Variants in HCN1 observed in about 807,000 individuals in gnomAD.
The protein encoded by HCN1 is potassium/sodium hyperpolarization-activated cyclic nucleotide-gated channel 1.
In HCN1, 13 loss-of-function variants were observed where a neutral mutation model predicts 78.9. That is an observed-to-expected ratio of 0.16 (90% confidence interval 0.11 to 0.26). The LOEUF is 0.26. HCN1 is among the 10% of genes least tolerant of loss of function. The pLI is 1.00. For missense variants in HCN1, 810 were observed against 1,154.3 expected (o/e 0.70, Z 4.32); for synonymous variants, 552 against 455.5 (o/e 1.21, Z -2.70).
At chr5:45,594,475 G>C (rs906421143) in intron 2 of HCN1, among the ~76,000 whole-genome samples, 1 of 152,194 alleles carries the variant, frequency 6.6e-6, no homozygotes, top group Admixed American at 6.5e-5. Flanking sequence ...ACACTTTTCT[G>C]GATCCTAGCT....
At chr5:45,517,244 A>AT (rs1491436685) in intron 2 of HCN1, among the ~76,000 whole-genome samples, 1 of 151,940 alleles carries the variant, frequency 6.6e-6, no homozygotes, top group Admixed American at 6.6e-5. Context: ...CTCTAATCAG[A>AT]CACAATTTCT....
chr5:45,648,268 G>A (rs1477305771), intron 1 of HCN1, among the ~76,000 whole-genome samples: 1 of 151,976 alleles, frequency 6.6e-6, no homozygotes, highest in Non-Finnish European at 1.5e-5. Flanking sequence ...TTTTTTGAAG[G>A]AAAACTAATA....
chr5:45,345,024 G>A (rs377343802), intron 5 of HCN1, among the ~76,000 whole-genome samples: 8 of 152,250 alleles, frequency 5.3e-5, no homozygotes, highest in South Asian at 2.1e-4. Context: ...GGACATCCAC[G>A]CATTTCCATA....
chr5:45,400,156 T>C (rs1232813095), intron 3 of HCN1, among the ~76,000 whole-genome samples: 1 of 152,232 alleles, frequency 6.6e-6, no homozygotes, highest in East Asian at 1.9e-4. Flanking sequence ...TTAGATAAAA[T>C]GGAAATAATA....
chr5:45,392,716 G>T (rs1278627081), intron 4 of HCN1, among the ~76,000 whole-genome samples: 1 of 151,494 alleles, frequency 6.6e-6, no homozygotes. Flanking sequence ...AACTCGGGAG[G>T]TGCAGATTAC....
chr5:45,613,714 CA>C (rs1398394469), intron 2 of HCN1, among the ~76,000 whole-genome samples: 2 of 151,828 alleles, frequency 1.3e-5, no homozygotes, highest in Non-Finnish European at 2.9e-5. Flanking sequence ...GGAACCAACC[CA>C]AATGTCCAAC....
chr5:45,580,094 T>C (rs6872419), intron 2 of HCN1, among the ~76,000 whole-genome samples: 8,458 of 152,092 alleles, frequency 0.056, 307 homozygotes, highest in East Asian at 0.15. Context: ...AGGCTGAATA[T>C]ATTGCCCTGA....
At chr5:45,358,568 C>T (rs990256501) in intron 4 of HCN1, among the ~76,000 whole-genome samples, 10 of 152,142 alleles carry the variant, frequency 6.6e-5, no homozygotes, top group Admixed American at 6.6e-4. Context: ...ATGTCTTCCT[C>T]CAACTCTAAC....
chr5:45,524,461 A>G (rs995554922), intron 2 of HCN1, among the ~76,000 whole-genome samples: 1 of 152,092 alleles, frequency 6.6e-6, no homozygotes, highest in Admixed American at 6.6e-5. Flanking sequence ...CAGTATGGCC[A>G]TTTTCATGAT....
Position 45,256,416 on chromosome 5 carries a change from G to T in HCN1, c.*5505C>A, listed in dbSNP as rs1332912531. ...AGATGTTTCCCTTTGGGAGTAAATG[G>T]CCATTGATGTTACATTAGAAATATA... On this transcript the variant is annotated 3_prime_UTR_variant, in exon 8 of 8. Coordinates refer to ENST00000303230, the MANE Select transcript of HCN1 (RefSeq NM_021072.4). The T allele has an allele frequency of 6.6e-6, 1 of 151,326 alleles. No individual in the cohort carries two copies. The highest frequency in any genetic ancestry group is 1.5e-5 in the Non-Finnish European group (1 of 67,944). The allele number at this position is 151,326 out of a possible 1,614,324, so 9.4% of individuals were successfully genotyped here.
chr5:45,407,764 C>G (rs1393507592), intron 3 of HCN1, among the ~76,000 whole-genome samples: 3 of 152,082 alleles, frequency 2.0e-5, no homozygotes, highest in Admixed American at 1.3e-4. Flanking sequence ...CCTGCCTCAG[C>G]CTCCTAAAGT....
intron 2 of HCN1, among the ~76,000 whole-genome samples, chr5:45,616,172 A>C (rs937457972): frequency 1.3e-5 from 2 of 151,870 alleles, no homozygotes; most frequent in African/African-American, 4.8e-5. Context: ...TTAACAGGAA[A>C]GAATAAACTG....
At chr5:45,314,642 C>T (rs1193876073) in intron 5 of HCN1, among the ~76,000 whole-genome samples, 1 of 152,072 alleles carries the variant, frequency 6.6e-6, no homozygotes, top group Non-Finnish European at 1.5e-5. Flanking sequence ...CCATTCAAGA[C>T]CCATCAGTGT....
At chr5:45,483,069 T>C (rs1741688287) in intron 2 of HCN1, among the ~76,000 whole-genome samples, 1 of 152,204 alleles carries the variant, frequency 6.6e-6, no homozygotes, top group Non-Finnish European at 1.5e-5. Flanking sequence ...GCAATGAACA[T>C]ACGAGTGCAT....
chr5:45,466,385 T>C lies in HCN1; in HGVS notation c.850-4378A>G, dbSNP rs73101238. Among the ~76,000 whole-genome samples the C allele has an allele frequency of 8.6e-3, 1,308 of 152,294 alleles. 26 individuals carry two copies. The highest frequency in any genetic ancestry group is 0.031 in the African/African-American group (1,281 of 41,570). ...ACTGCTTTTAGTCGTTGACTTTACA[T>C]ACTGGGATAATTTCTGAGCTAGTTT... is the stretch of plus-strand genomic sequence containing the variant. On this transcript the variant is annotated intron_variant, in intron 2 of 7. Transcript: ENST00000303230.
intron 3 of HCN1, among the ~76,000 whole-genome samples, chr5:45,399,631 A>T (rs1739754919): frequency 6.6e-6 from 1 of 152,174 alleles, no homozygotes; most frequent in Non-Finnish European, 1.5e-5. Context: ...GTTTTCCAAC[A>T]TCAAATTTGT....
chr5:45,291,309 T>A (rs1745368461), intron 6 of HCN1, among the ~76,000 whole-genome samples: 1 of 152,026 alleles, frequency 6.6e-6, no homozygotes, highest in Non-Finnish European at 1.5e-5. Flanking sequence ...ACTAAGATGA[T>A]CACCTTATAA....
chr5:45,291,280 G>T (rs1322543379), intron 6 of HCN1, among the ~76,000 whole-genome samples: 1 of 152,006 alleles, frequency 6.6e-6, no homozygotes, highest in East Asian at 1.9e-4. Context: ...CTTCCCACAT[G>T]AAGAGTTCTT....
At chr5:45,374,906 A>C (rs989036170) in intron 4 of HCN1, among the ~76,000 whole-genome samples, 2 of 144,874 alleles carry the variant, frequency 1.4e-5, no homozygotes, top group African/African-American at 5.0e-5. Flanking sequence ...ACAGAGAGAG[A>C]GAGAGAGAAC....
Sources: gnomAD v4.1 joint callset for allele counts (sites outside exome capture counted in the v4.1 genomes callset) on GRCh38, gnomAD v4.1.1 for gene constraint, MANE v1.5 for transcripts, NCBI Gene and HGNC (gene_info 2026-07-23, HGNC 2026-07-21) for gene names.